The following PRKCA variants were observed in gnomAD, a reference collection of about 807,000 sequenced individuals.
The protein encoded by PRKCA is protein kinase C alpha type.
Under a neutral mutation model 87.0 loss-of-function variants are expected in PRKCA, and 27 were observed. That is an observed-to-expected ratio of 0.31 (90% CI 0.23 to 0.43). The LOEUF (loss-of-function observed/expected upper bound fraction) is 0.43, where lower values mean the gene tolerates loss of function less well. Ranked by LOEUF, PRKCA falls within the 20% of genes least tolerant of loss-of-function variation. PRKCA has a pLI of 1.00. For missense variants in PRKCA, 518 were observed against 852.3 expected (o/e 0.61, Z 4.88); for synonymous variants, 329 against 311.1 (o/e 1.06, Z -0.61).
intron 3 of PRKCA, among the ~76,000 whole-genome samples, chr17:66,596,162 G>C (rs1969970067): frequency 6.6e-6 from 1 of 152,170 alleles, no homozygotes; most frequent in Non-Finnish European, 1.5e-5. Context: ...TGTGGTGCCT[G>C]TCATTCATCT....
rs78028423 is a variant in PRKCA, at chr17:66,731,051, C to T, written c.919-1637C>T. 1.1e-3 allele frequency among the ~76,000 whole-genome samples: 168 copies of T among 152,222 alleles called. 3 individuals carry two copies. In the East Asian group the frequency reaches 0.03, roughly 27 times the overall value. The stretch of plus-strand genomic sequence containing the variant: ...GTCTGCTGCACTAGGGAGGGAGGTG[C>T]ACCCTCTCATTAAGAATGGGCAGGC... On this transcript the variant is annotated intron_variant, in intron 8 of 16. Transcript: ENST00000413366.
At chr17:66,569,364 G>A (rs959568984) in intron 3 of PRKCA, among the ~76,000 whole-genome samples, 14 of 93,404 alleles carry the variant, frequency 1.5e-4, no homozygotes, top group Admixed American at 3.2e-4. Flanking sequence ...GAGGTCAGGC[G>A]TTCAAGACAG....
chr17:66,606,714 A>G (rs1037701474), intron 3 of PRKCA, among the ~76,000 whole-genome samples: 4 of 152,208 alleles, frequency 2.6e-5, no homozygotes, highest in Non-Finnish European at 5.9e-5. Context: ...TTATATCGTA[A>G]ATTGATACTA....
chr17:66,773,950 T>C, intron 13 of PRKCA, 37 bp from the exon 14 acceptor site: 2 of 1,613,208 alleles, frequency 1.2e-6, no homozygotes, highest in Non-Finnish European at 1.7e-6. Context: ...CTATTGGACT[T>C]ACCACTAATG....
At chr17:66,467,058 A>G (rs1598697203) in intron 2 of PRKCA, among the ~76,000 whole-genome samples, 1 of 152,204 alleles carries the variant, frequency 6.6e-6, no homozygotes, top group African/African-American at 2.4e-5. Flanking sequence ...TGCCCTGCAA[A>G]CACACACGAC....
intron 3 of PRKCA, among the ~76,000 whole-genome samples, chr17:66,545,275 A>G (rs1968113430): frequency 6.6e-6 from 1 of 152,082 alleles, no homozygotes; most frequent in Non-Finnish European, 1.5e-5. Flanking sequence ...AAAAAATACA[A>G]AAAATTAGCC....
intron 13 of PRKCA, among the ~76,000 whole-genome samples, chr17:66,768,243 C>T (rs1974852724): frequency 7.1e-6 from 1 of 139,958 alleles, no homozygotes; most frequent in African/African-American, 2.7e-5. Context: ...CATGCCCAGC[C>T]ATTTTTTTTT....
Position 66,708,794 on chromosome 17 carries a change from G to T in PRKCA, c.918+19747G>T, listed in dbSNP as rs1053907311. On this transcript the variant is annotated intron_variant, in intron 8 of 16. Coordinates refer to ENST00000413366, the MANE Select transcript of PRKCA (RefSeq NM_002737.3). ...AATGCCTGATTAAATTTCCTCTAAG[G>T]CTCTGTCCAATACCAAGATTGCAAT... Among the ~76,000 whole-genome samples, 7 of 152,230 alleles carry T rather than the reference G, an allele frequency of 4.6e-5. No homozygotes were observed. In the South Asian group the frequency reaches 1.5e-3, roughly 32 times the overall value.
intron 2 of PRKCA, among the ~76,000 whole-genome samples, chr17:66,330,725 A>G (rs1906277369): frequency 6.6e-6 from 1 of 152,196 alleles, no homozygotes; most frequent in African/African-American, 2.4e-5. Context: ...TACACTGACA[A>G]TAACTAGATT....
intron 2 of PRKCA, among the ~76,000 whole-genome samples, chr17:66,406,768 CT>C (rs1339936014): frequency 1.3e-5 from 2 of 152,054 alleles, no homozygotes; most frequent in East Asian, 3.9e-4. Flanking sequence ...CAGCCATCTA[CT>C]TTCATTCTTT....
intron 2 of PRKCA, among the ~76,000 whole-genome samples, chr17:66,493,214 C>T (rs1302529646): frequency 4.0e-5 from 6 of 151,626 alleles, no homozygotes; most frequent in African/African-American, 9.7e-5. Flanking sequence ...AAGAATTATC[C>T]ATGATTCTAT....
chr17:66,443,343 G>C (rs577157101), intron 2 of PRKCA, among the ~76,000 whole-genome samples: 9 of 152,322 alleles, frequency 5.9e-5, no homozygotes, highest in Non-Finnish European at 1.2e-4. Flanking sequence ...CTATGATGAG[G>C]TTGTTGGCAT....
At position 66,587,893 on chromosome 17, in the gene PRKCA, GTGTATATATATATATA is replaced by G. The variant is rs565076594; in HGVS notation, c.289-53460_289-53445del. On this transcript the variant is annotated intron_variant, in intron 3 of 16. Coordinates refer to ENST00000413366, the MANE Select transcript of PRKCA (RefSeq NM_002737.3). ...TATGTGTGTGTGTGTGTGTGTGTGT[GTGTATATATATATATA>G]TATATATATATATATATATATATCC... Among the ~76,000 whole-genome samples, 163 of 51,632 alleles carry G rather than the reference GTGTATATATATATATA, an allele frequency of 3.2e-3. 9 individuals carry two copies. The highest frequency in any genetic ancestry group is 0.019 in the East Asian group (34 of 1,756). The allele number at this position is 51,632 out of a possible 152,430, so 33.9% of individuals were successfully genotyped here.
At chr17:66,775,555 C>T in intron 14 of PRKCA, 1 of 985,398 alleles carries the variant, frequency 1.0e-6, no homozygotes, top group Non-Finnish European at 1.2e-6. Flanking sequence ...CTGCCGTGGG[C>T]AGCTTTTTAT....
At chr17:66,438,525 C>T (rs1029185423) in intron 2 of PRKCA, among the ~76,000 whole-genome samples, 2 of 152,032 alleles carry the variant, frequency 1.3e-5, no homozygotes, top group East Asian at 1.9e-4. Context: ...TTTGAGCATT[C>T]GTGGAACATT....
chr17:66,511,896 G>A (rs11650204), intron 3 of PRKCA, among the ~76,000 whole-genome samples: 50,049 of 151,656 alleles, frequency 0.33, 8,477 homozygotes, highest in South Asian at 0.52. Flanking sequence ...GGCCAGGGTG[G>A]TCTTGAACTC....
At chr17:66,704,118 G>A (rs1973133180) in intron 8 of PRKCA, among the ~76,000 whole-genome samples, 1 of 149,938 alleles carries the variant, frequency 6.7e-6, no homozygotes, top group Non-Finnish European at 1.5e-5. Flanking sequence ...TGTAGTGCCT[G>A]ACTATAAAAC....
chr17:66,353,749 C>T (rs1301292626), intron 2 of PRKCA, among the ~76,000 whole-genome samples: 1 of 152,138 alleles, frequency 6.6e-6, no homozygotes, highest in Non-Finnish European at 1.5e-5. Flanking sequence ...CCAATAGAAA[C>T]AGTGTGTAGA....
At chr17:66,373,224 A>C (rs1909218292) in intron 2 of PRKCA, among the ~76,000 whole-genome samples, 1 of 152,220 alleles carries the variant, frequency 6.6e-6, no homozygotes, top group Non-Finnish European at 1.5e-5. Flanking sequence ...ACATTGTAAA[A>C]AAATATCATA....
Sources: allele counts gnomAD v4.1 joint callset (sites outside exome capture counted in the v4.1 genomes callset), GRCh38; gene constraint gnomAD v4.1.1; transcripts MANE v1.5; gene names NCBI Gene and HGNC (gene_info 2026-07-23, HGNC 2026-07-21).